Variants in GML observed in about 807,000 individuals in gnomAD.
GML encodes glycosylphosphatidylinositol anchored molecule like.
In GML, 5 loss-of-function variants were observed where a neutral mutation model predicts 8.2. That is an observed-to-expected ratio of 0.61 (90% CI 0.32 to 1.28). The LOEUF is 1.28. Ranked by LOEUF, GML falls within the 50% of genes most tolerant of loss-of-function variation. The probability of loss-of-function intolerance (pLI) is 0.06; values close to 1 mark genes in which losing one functional copy is unlikely to be tolerated. For missense variants in GML, 191 were observed against 198.3 expected, an observed-to-expected ratio of 0.96 and a Z score of 0.22; for synonymous variants, 72 against 69.0, an observed-to-expected ratio of 1.04 and a Z score of -0.22.
intron 2 of GML, 39 bp downstream of exon 2, chr8:142,840,549 G>T (rs1006037559): frequency 1.4e-6 from 2 of 1,433,462 alleles, no homozygotes; most frequent in Non-Finnish European, 2.0e-6. Flanking sequence ...GAGAGGACGA[G>T]AATTCACCTG....
chr8:142,842,875 C>G (rs187972159), intron 3 of GML, among the ~76,000 whole-genome samples: 63 of 152,328 alleles, frequency 4.1e-4, no homozygotes, highest in Middle Eastern at 3.4e-3. Context: ...TGTAAGTGAC[C>G]TAGCTCTGGA....
At chr8:142,842,227 A>G (rs1816443975) in intron 3 of GML, among the ~76,000 whole-genome samples, 1 of 152,010 alleles carries the variant, frequency 6.6e-6, no homozygotes, top group Non-Finnish European at 1.5e-5. Context: ...CTGTCATTGT[A>G]AGTTTCCTGA....
chr8:142,838,731 T>C (rs1396390514), intron 1 of GML, among the ~76,000 whole-genome samples: 1 of 152,174 alleles, frequency 6.6e-6, no homozygotes, highest in East Asian at 1.9e-4. Context: ...CCATGCTCTG[T>C]GAAGGAATCC....
At chr8:142,842,978 T>A in intron 3 of GML, among the ~76,000 whole-genome samples, 1 of 152,158 alleles carries the variant, frequency 6.6e-6, no homozygotes, top group East Asian at 1.9e-4. Flanking sequence ...ATTTAATAAC[T>A]TAGACCTAGA....
intron 1 of GML, among the ~76,000 whole-genome samples, chr8:142,839,975 G>C (rs536405991): frequency 6.6e-6 from 1 of 151,628 alleles, no homozygotes; most frequent in Non-Finnish European, 1.5e-5. Context: ...AGTCACCTTG[G>C]CCCTCGTGTT....
intron 1 of GML, among the ~76,000 whole-genome samples, chr8:142,837,769 G>A (rs554225740): frequency 1.1e-4 from 16 of 146,548 alleles, no homozygotes; most frequent in African/African-American, 3.3e-4. Context: ...TATGACTGTG[G>A]CAGGCTCCTT....
At position 142,841,176 on chromosome 8, in the gene GML, C is replaced by T. The variant is rs1295008470; in HGVS notation, c.132C>T (p.Asn44=). The change falls in exon 3 of 4, where the codon AAC becomes AAT. Residue 44 remains asparagine, a synonymous_variant. Coordinates refer to ENST00000220940, the MANE Select transcript of GML (RefSeq NM_002066.3). ...TCATAAATGACTTCAACTGTCCCAA[C>T]ATTAGAGTATGTCCGTATCATATTA... The part of the protein sequence containing the change: ...CAVINDFNCP[N]IRVCPYHIRR... 1.3e-6 allele frequency: 2 copies of T among 1,586,500 alleles called. No homozygotes were observed. The highest frequency in any genetic ancestry group is 2.7e-5 in the African/African-American group (2 of 74,290).
Position 142,846,660 on chromosome 8 carries a change from C to T in GML, c.447C>T (p.Ala149=). ...TATCAAAACTGTTGCTGAGTTTTGC[C>T]TCTATCATAGTCAGCAATATATTGC... ...LGVSKLLLSF[A]SIIVSNILP is the part of the protein sequence containing the mutation. The change falls in exon 4 of 4, where the codon GCC becomes GCT. Residue 149 remains alanine, a synonymous_variant. Transcript: ENST00000220940. The T allele has an allele frequency of 6.2e-7, 1 of 1,613,960 alleles. No individual in the cohort carries two copies. The highest frequency in any genetic ancestry group is 8.5e-7 in the Non-Finnish European group (1 of 1,179,902).
Position 142,846,490 on chromosome 8 carries a change from A to G in GML, c.277A>G (p.Ile93Val). 1 of 1,613,888 alleles carries G rather than the reference A, an allele frequency of 6.2e-7. No individual in the cohort carries two copies. The part of the protein sequence containing the change: ...AEQPPEAPGK[I>V]FKTNSFYWVC... ...ACAGCCTCCTGAAGCCCCAGGAAAA[A>G]TCTTCAAAACTAATAGCTTCTACTG... The change falls in exon 4 of 4, where the codon ATC becomes GTC. Residue 93 changes from isoleucine (I) to valine (V), a missense_variant. Coordinates refer to ENST00000220940, the MANE Select transcript of GML (RefSeq NM_002066.3).
chr8:142,837,828 C>T (rs4081945), intron 1 of GML, among the ~76,000 whole-genome samples: 58,017 of 144,428 alleles, frequency 0.4, 12,071 homozygotes, highest in South Asian at 0.47. Context: ...GGGGATTCTA[C>T]TTGGCCTTCT....
At chr8:142,840,178 C>G (rs1018877971) in intron 1 of GML, among the ~76,000 whole-genome samples, 3 of 152,242 alleles carry the variant, frequency 2.0e-5, no homozygotes, top group African/African-American at 4.8e-5. Context: ...CAGGACCTCC[C>G]TGGCTCAAGG....
rs754231308 is a variant in GML at position 142,841,215 on chromosome 8, A to G, written c.171A>G (p.Thr57=). ...CGTATCATATTAGGCGCTGTATGAC[A>G]ATCTCCATTCGTAAGTACCTCTTTG... The part of the protein sequence containing the change: ...VCPYHIRRCM[T]ISIRINSREL... The change falls in exon 3 of 4, where the codon ACA becomes ACG. Residue 57 remains threonine (T), a synonymous_variant. Transcript: ENST00000220940. 5 of 1,468,748 alleles carry G rather than the reference A, an allele frequency of 3.4e-6. No homozygotes were observed. The highest frequency in any genetic ancestry group is 1.7e-5 in the Admixed American group (1 of 59,836). The allele number at this position is 1,468,748 out of a possible 1,614,324, so 91.0% of individuals were successfully genotyped here. A position where few individuals can be genotyped will look rare whatever the true frequency, so the allele number is the denominator to read the frequency against.
chr8:142,844,866 C>T (rs1191594426), intron 3 of GML, among the ~76,000 whole-genome samples: 2 of 152,192 alleles, frequency 1.3e-5, no homozygotes, highest in Admixed American at 6.5e-5. Context: ...GAAAACTCTT[C>T]GATGTTGTCG....
rs898245616 is a variant in GML, at chr8:142,838,079, C to T, written c.-22-2337C>T. On this transcript the variant is annotated intron_variant, in intron 1 of 3. Transcript: ENST00000220940. Reference sequence around the variant, plus strand: ...TACCCTGGGAAGGGCTCGCCCTCTTCGGAATTTCAGTTTACGTGGGCCTTG... The same window carrying T: ...TACCCTGGGAAGGGCTCGCCCTCTTTGGAATTTCAGTTTACGTGGGCCTTG... Among the ~76,000 whole-genome samples the T allele has an allele frequency of 6.9e-5, 10 of 144,908 alleles. 1 individual carries two copies. Among genetic ancestry groups the T allele is most frequent in the African/African-American group, 1.8e-4 (7 of 38,946 alleles).
intron 3 of GML, among the ~76,000 whole-genome samples, chr8:142,845,686 A>G (rs908146344): frequency 1.3e-5 from 2 of 152,190 alleles, no homozygotes; most frequent in South Asian, 4.1e-4. Flanking sequence ...GTCAGGTGGC[A>G]TTGGTCAGCT....
intron 1 of GML, 140 bp from the exon 2 acceptor site, chr8:142,840,276 C>T (rs879001462): frequency 1.5e-5 from 9 of 617,224 alleles, no homozygotes; most frequent in Admixed American, 5.3e-5. Flanking sequence ...GTGCCTTACC[C>T]GAGGAGCTAC....
intron 3 of GML, 148 bp downstream of exon 3, chr8:142,841,373 G>A (rs893785554): frequency 6.4e-6 from 4 of 624,998 alleles, no homozygotes; most frequent in Non-Finnish European, 8.8e-6. Flanking sequence ...GTTTCTGCAC[G>A]CTTTGGTCTC....
In GML at chr8:142,846,384, T is replaced by C. The variant is rs28642293; in HGVS notation, c.182-11T>C. ...GAAATCAATTATTTTCATTGCTGCT[T>C]CTTTTTTTAGGCATAAATTCTCGTG... On this transcript the variant is annotated splice_polypyrimidine_tract_variant and intron_variant, in intron 3 of 3. Transcript: ENST00000220940. 6.4e-7 allele frequency: 1 copy of C among 1,563,152 alleles called. No homozygotes were observed. Among genetic ancestry groups the C allele is most frequent in the Admixed American group, 1.7e-5 (1 of 57,170 alleles).
rs553557432 is a variant in GML at position 142,839,030 on chromosome 8, C to T, written c.-22-1386C>T. On this transcript the variant is annotated intron_variant, in intron 1 of 3. Coordinates refer to ENST00000220940, the MANE Select transcript of GML (RefSeq NM_002066.3). ...GTGTTCAGAATGTCTGCTGTGCCCT[C>T]ATGGAGGAAGAGGGCCTCAGTGTAC... Among the ~76,000 whole-genome samples the T allele has an allele frequency of 2.6e-5, 4 of 152,348 alleles. No individual in the cohort carries two copies. In the South Asian group the frequency reaches 8.3e-4, roughly 32 times the overall value.
Sources: allele counts gnomAD v4.1 joint callset (sites outside exome capture counted in the v4.1 genomes callset), GRCh38; gene constraint gnomAD v4.1.1; transcripts MANE v1.5; gene names NCBI Gene and HGNC (gene_info 2026-07-23, HGNC 2026-07-21).